Variants in ALMS1 observed in about 807,000 individuals in gnomAD.
The protein encoded by ALMS1 is centrosome-associated protein ALMS1.
In ALMS1, 271 loss-of-function variants were observed where a neutral mutation model predicts 352.2. The ratio of observed to expected loss-of-function variants is 0.77; its 90% confidence interval spans 0.70 to 0.85. ALMS1 has a LOEUF of 0.85. Among genes scored for constraint, ALMS1 ranks in the 40% least tolerant of loss-of-function variants. The probability of loss-of-function intolerance (pLI) is 0.00; values close to 1 mark genes in which losing one functional copy is unlikely to be tolerated. For synonymous variants in ALMS1, 1,865 were observed against 1,761.2 expected, an observed-to-expected ratio of 1.06 and a Z score of -1.48; for missense variants, 5,445 against 4,870.7, an observed-to-expected ratio of 1.12 and a Z score of -3.51.
In ALMS1 at chr2:73,451,165, G is replaced by A. The variant is rs2103783427; in HGVS notation, c.4638G>A (p.Glu1546=). 3 of 1,614,006 alleles carry A rather than the reference G, an allele frequency of 1.9e-6. No homozygotes were observed. Among genetic ancestry groups the A allele is most frequent in the Non-Finnish European group, 2.5e-6 (3 of 1,179,982 alleles). ...LALLGSQIPE[E]ALRVSSAPGP... Reference sequence around the variant, plus strand: ...TGCTAGGTAGTCAAATACCTGAAGAGGCTCTCAGAGTTTCTTCTGCTCCTG... The same window carrying A: ...TGCTAGGTAGTCAAATACCTGAAGAAGCTCTCAGAGTTTCTTCTGCTCCTG... The change falls in exon 8 of 23, where the codon GAG becomes GAA. Residue 1546 remains glutamate (E), a synonymous_variant. Transcript: ENST00000613296.
intron 16 of ALMS1, among the ~76,000 whole-genome samples, chr2:73,588,254 G>A (rs936456665): frequency 1.3e-5 from 2 of 152,080 alleles, no homozygotes; most frequent in Non-Finnish European, 2.9e-5. Context: ...TCTCTGCCCC[G>A]TGCTGTCTCC....
At chr2:73,592,565 G>A (rs759142558) in intron 16 of ALMS1, among the ~76,000 whole-genome samples, 5 of 152,086 alleles carry the variant, frequency 3.3e-5, no homozygotes, top group African/African-American at 4.8e-5. Flanking sequence ...ATGAATTAGC[G>A]TAAACCCATG....
intron 6 of ALMS1, among the ~76,000 whole-genome samples, chr2:73,430,707 T>C (rs1671483193): frequency 6.6e-6 from 1 of 152,154 alleles, no homozygotes; most frequent in African/African-American, 2.4e-5. Context: ...AGTAACATGC[T>C]GATAGGTTTG....
chr2:73,455,366 T>G, intron 9 of ALMS1, 71 bp downstream of exon 9: 1 of 1,588,956 alleles, frequency 6.3e-7, no homozygotes, highest in Non-Finnish European at 8.6e-7. Flanking sequence ...ATCTCTTACT[T>G]GGGCATCAGT....
At chr2:73,604,863 C>G (rs1303161845) in intron 21 of ALMS1, among the ~76,000 whole-genome samples, 3 of 152,292 alleles carry the variant, frequency 2.0e-5, no homozygotes, top group East Asian at 1.9e-4. Flanking sequence ...TACCACTATT[C>G]AAGACAGTGG....
At chr2:73,404,088 G>A (rs1670926087) in intron 1 of ALMS1, among the ~76,000 whole-genome samples, 1 of 152,082 alleles carries the variant, frequency 6.6e-6, no homozygotes, top group African/African-American at 2.4e-5. Flanking sequence ...AGCAGAGATG[G>A]GGTTTCACCA....
chr2:73,603,426 G>A, intron 21 of ALMS1, 122 bp downstream of exon 21: 2 of 863,764 alleles, frequency 2.3e-6, no homozygotes, highest in Admixed American at 2.1e-5. Context: ...TGAGAAAGTT[G>A]TGAGAGTCAT....
intron 9 of ALMS1, chr2:73,462,794 A>G (rs913408569): frequency 1.3e-5 from 2 of 152,182 alleles, no homozygotes; most frequent in African/African-American, 4.8e-5. Context: ...AAAAAAAGGC[A>G]GGGGTTGCAA....
intron 2 of ALMS1, among the ~76,000 whole-genome samples, chr2:73,416,926 C>T (rs1417737065): frequency 1.3e-5 from 2 of 152,042 alleles, no homozygotes; most frequent in East Asian, 1.9e-4. Context: ...AGTGAGACCC[C>T]TGTCTCTACA....
intron 1 of ALMS1, among the ~76,000 whole-genome samples, chr2:73,404,998 G>GCC (rs745656619): frequency 3.7e-5 from 5 of 134,046 alleles, no homozygotes; most frequent in Non-Finnish European, 7.6e-5. Context: ...TGCAACCTCT[G>GCC]CCCTCCAGGC....
chr2:73,512,329 C>T (rs1474381973), intron 10 of ALMS1, among the ~76,000 whole-genome samples: 2 of 151,676 alleles, frequency 1.3e-5, no homozygotes, highest in East Asian at 1.9e-4. Context: ...GTGATCTGCC[C>T]ACCTTGGCCT....
At chr2:73,596,735 G>T (rs1446137064) in intron 16 of ALMS1, among the ~76,000 whole-genome samples, 3 of 151,970 alleles carry the variant, frequency 2.0e-5, no homozygotes, top group African/African-American at 7.3e-5. Flanking sequence ...CTCCCAAAGT[G>T]CTGGGATTAC....
intron 9 of ALMS1, among the ~76,000 whole-genome samples, chr2:73,487,767 C>T (rs1185862019): frequency 2.0e-5 from 3 of 152,176 alleles, no homozygotes; most frequent in Admixed American, 6.5e-5. Flanking sequence ...TCAGGAGACC[C>T]AAAGTGGGTA....
At chr2:73,406,925 A>C (rs1670984403) in intron 1 of ALMS1, among the ~76,000 whole-genome samples, 2 of 152,230 alleles carry the variant, frequency 1.3e-5, no homozygotes, top group African/African-American at 4.8e-5. Context: ...GCACCTGGCC[A>C]AAGTTATTAG....
At chr2:73,507,926 T>A (rs1413731370) in intron 10 of ALMS1, among the ~76,000 whole-genome samples, 1 of 152,138 alleles carries the variant, frequency 6.6e-6, no homozygotes, top group East Asian at 1.9e-4. Context: ...TGCTATAAAT[T>A]TCCCTCTACA....
intron 16 of ALMS1, among the ~76,000 whole-genome samples, chr2:73,593,270 G>T (rs1232171197): frequency 6.6e-6 from 1 of 151,566 alleles, no homozygotes; most frequent in Non-Finnish European, 1.5e-5. Context: ...TGTGTGCATT[G>T]TGATTATTGT....
intron 22 of ALMS1, 94 bp from the exon 23 acceptor site, chr2:73,609,474 A>G: frequency 8.6e-7 from 1 of 1,168,182 alleles, no homozygotes; most frequent in Non-Finnish European, 1.3e-6. Flanking sequence ...GACCACACTG[A>G]TTCTCCTTGG....
intron 9 of ALMS1, among the ~76,000 whole-genome samples, chr2:73,460,204 C>T (rs775611942): frequency 1.3e-5 from 2 of 152,134 alleles, no homozygotes; most frequent in African/African-American, 4.8e-5. Flanking sequence ...TTCCCAGCCC[C>T]AACTCTTTCA....
chr2:73,407,552 G>T (rs1017068608), intron 1 of ALMS1, among the ~76,000 whole-genome samples: 4 of 152,104 alleles, frequency 2.6e-5, no homozygotes, highest in Admixed American at 2.0e-4. Flanking sequence ...CTTTACCAGA[G>T]AACTTTATAT....
Sources: gnomAD v4.1 joint callset for allele counts (sites outside exome capture counted in the v4.1 genomes callset) on GRCh38, gnomAD v4.1.1 for gene constraint, MANE v1.5 for transcripts, NCBI Gene and HGNC (gene_info 2026-07-23, HGNC 2026-07-21) for gene names.